Variants in OR14L1 observed in about 807,000 individuals in gnomAD.
The protein encoded by OR14L1 is olfactory receptor 14L1.
the OR14L1 span, chr1:247,621,039 G>A: frequency 6.6e-6 from 1 of 152,134 alleles, no homozygotes; most frequent in Non-Finnish European, 1.5e-5. Flanking sequence ...TGGTCAAATA[G>A]GCTAGAGACC....
At chr1:247,618,008 T>C in the OR14L1 span, among the ~76,000 whole-genome samples, 2 of 152,326 alleles carry the variant, frequency 1.3e-5, no homozygotes, top group South Asian at 4.1e-4. Context: ...CCTGGTAAAC[T>C]GTAATCAGAA....
the OR14L1 span, chr1:247,621,827 C>A: frequency 6.6e-6 from 1 of 152,036 alleles, no homozygotes; most frequent in East Asian, 1.9e-4. Context: ...GCTTATTTCA[C>A]GTAACATGAT....
chr1:247,622,112 T>G, the OR14L1 span: 1 of 152,194 alleles, frequency 6.6e-6, no homozygotes, highest in South Asian at 2.1e-4. Flanking sequence ...AAATATTGCA[T>G]TTTTTATAAA....
the OR14L1 span, chr1:247,621,256 T>A: frequency 6.6e-6 from 1 of 152,218 alleles, no homozygotes; most frequent in South Asian, 2.1e-4. Flanking sequence ...TGAAAGTTAT[T>A]ATGCATTATT....
the OR14L1 span, among the ~76,000 whole-genome samples, chr1:247,617,789 A>G: frequency 6.7e-6 from 1 of 149,842 alleles, no homozygotes; most frequent in African/African-American, 2.5e-5. Context: ...AAAGTTCTGT[A>G]TGTGTGTGTG....
At chr1:247,621,130 T>C in the OR14L1 span, 1 of 152,154 alleles carries the variant, frequency 6.6e-6, no homozygotes. Context: ...CATATGTTTA[T>C]GGTGCTGTGT....
chr1:247,617,411 T>C, the OR14L1 span: 3 of 152,326 alleles, frequency 2.0e-5, no homozygotes, highest in South Asian at 6.2e-4. Flanking sequence ...GTAAGTTCAA[T>C]ACCATAAGTG....
chr1:247,621,672 G>A, the OR14L1 span: 2 of 152,114 alleles, frequency 1.3e-5, no homozygotes, highest in African/African-American at 4.8e-5. Context: ...TGTGCTCTCC[G>A]ACCAACATTT....
chr1:247,617,397 T>C, the OR14L1 span: 1 of 152,200 alleles, frequency 6.6e-6, no homozygotes, highest in African/African-American at 2.4e-5. Flanking sequence ...GCTCATAGCA[T>C]GCAGTAAGTT....
chr1:247,619,126 T>G, the OR14L1 span, among the ~76,000 whole-genome samples: 2 of 152,210 alleles, frequency 1.3e-5, no homozygotes, highest in Non-Finnish European at 2.9e-5. Flanking sequence ...ATAACCTCAC[T>G]AAATAGTTAT....
chr1:247,617,627 G>A, the OR14L1 span, among the ~76,000 whole-genome samples: 5 of 151,958 alleles, frequency 3.3e-5, no homozygotes, highest in African/African-American at 1.2e-4. Flanking sequence ...AAAAGAGGGA[G>A]TAGTATAATA....
chr1:247,617,314 C>T, the OR14L1 span: 3 of 152,134 alleles, frequency 2.0e-5, no homozygotes, highest in Non-Finnish European at 4.4e-5. Flanking sequence ...AACCAAGGCT[C>T]CTTCTCAAAG....
At chr1:247,621,347 TAAACTA>T in the OR14L1 span, 1 of 152,202 alleles carries the variant, frequency 6.6e-6, no homozygotes, top group East Asian at 1.9e-4. Flanking sequence ...AATTAATACT[TAAACTA>T]TAATATAAAT....
the OR14L1 span, among the ~76,000 whole-genome samples, chr1:247,617,789 A>ATGTGTGTGTGTTG: frequency 3.3e-5 from 5 of 149,900 alleles, no homozygotes; most frequent in African/African-American, 9.8e-5. Flanking sequence ...AAAGTTCTGT[A>ATGTGTGTGTGTTG]TGTGTGTGTG....
At chr1:247,622,343 ATAAACT>A in the OR14L1 span, 1 of 152,080 alleles carries the variant, frequency 6.6e-6, no homozygotes, top group Non-Finnish European at 1.5e-5. Context: ...ATATAAGATG[ATAAACT>A]TAATAAGTGT....
the OR14L1 span, among the ~76,000 whole-genome samples, chr1:247,618,412 C>T: frequency 1.3e-5 from 2 of 151,846 alleles, no homozygotes; most frequent in African/African-American, 4.8e-5. Context: ...TACAGTTTAC[C>T]CTACATAAAT....
At chr1:247,619,952 T>G in the OR14L1 span, 10 of 152,288 alleles carry the variant, frequency 6.6e-5, no homozygotes, top group African/African-American at 1.4e-4. Flanking sequence ...TTCTTTTTCA[T>G]GGACTTGGCA....
the OR14L1 span, chr1:247,621,672 G>T: frequency 6.6e-6 from 1 of 152,114 alleles, no homozygotes; most frequent in Admixed American, 6.6e-5. Context: ...TGTGCTCTCC[G>T]ACCAACATTT....
chr1:247,617,921 G>C, the OR14L1 span, among the ~76,000 whole-genome samples: 56 of 152,224 alleles, frequency 3.7e-4, no homozygotes, highest in African/African-American at 1.3e-3. Flanking sequence ...TAGAGTCCTT[G>C]ATATTTCTCT....
Sources: gnomAD v4.1 joint callset for allele counts (sites outside exome capture counted in the v4.1 genomes callset) on GRCh38, gnomAD v4.1.1 for gene constraint, MANE v1.5 for transcripts, NCBI Gene and HGNC (gene_info 2026-07-23, HGNC 2026-07-21) for gene names.